ECHDC1: variants seen among roughly 807,000 people sequenced by gnomAD.
The protein encoded by ECHDC1 is ethylmalonyl-CoA decarboxylase 1, also known as ethylmalonyl-CoA decarboxylase.
Under a neutral mutation model 29.7 loss-of-function variants are expected in ECHDC1, and 29 were observed. That is an observed-to-expected ratio of 0.98 (90% CI 0.73 to 1.33). The LOEUF is 1.33. Ranked by LOEUF, ECHDC1 falls within the 40% of genes most tolerant of loss-of-function variation. ECHDC1 has a pLI of 0.00. For missense variants in ECHDC1, 328 were observed against 350.0 expected (o/e 0.94, Z 0.50); for synonymous variants, 126 against 123.1 (o/e 1.02, Z -0.15).
chr6:127,331,012 A>T lies in ECHDC1; in HGVS notation c.17T>A (p.Leu6Ter). MAKSL[L>*]KTASLSGRTK... ...CCTTCCAGACAGAGAGGCTGTCTTC[A>T]AAAGACTTTTCGCCATTTCTGGAAA... Residue 6 changes from leucine (L) to a stop codon, truncating the protein, a stop_gained, in exon 2 of 6, where the codon TTG becomes TAG. Coordinates refer to ENST00000454859, the MANE Select transcript of ECHDC1 (RefSeq NM_001002030.2). LOFTEE classifies it high-confidence loss of function. 1 of 1,613,284 alleles carries T rather than the reference A, an allele frequency of 6.2e-7. No individual in the cohort carries two copies.
intron 3 of ECHDC1, among the ~76,000 whole-genome samples, chr6:127,316,934 A>G (rs2114625965): frequency 6.6e-6 from 1 of 152,242 alleles, no homozygotes; most frequent in East Asian, 1.9e-4. Flanking sequence ...TATTGCCACA[A>G]CTTATAATTT....
intron 3 of ECHDC1, among the ~76,000 whole-genome samples, chr6:127,317,401 C>A (rs1377575941): frequency 6.6e-6 from 1 of 152,062 alleles, no homozygotes; most frequent in Admixed American, 6.6e-5. Context: ...TTTTCACATT[C>A]TGATAGCACC....
chr6:127,312,627 T>C (rs910501245), intron 5 of ECHDC1, among the ~76,000 whole-genome samples: 5 of 152,330 alleles, frequency 3.3e-5, no homozygotes, highest in Non-Finnish European at 5.9e-5. Context: ...CAAATACTTA[T>C]ACATGAATGT....
intron 1 of ECHDC1, among the ~76,000 whole-genome samples, chr6:127,342,064 G>A (rs961415142): frequency 2.0e-5 from 3 of 152,154 alleles, no homozygotes; most frequent in Admixed American, 1.3e-4. Flanking sequence ...TCGCATATGC[G>A]ATCTACCTGT....
chr6:127,329,754 A>G (rs1783743465), intron 2 of ECHDC1: 1 of 326,010 alleles, frequency 3.1e-6, no homozygotes, highest in Non-Finnish European at 6.1e-6. Context: ...GTTAAACTTA[A>G]TTTTACCTTT....
intron 5 of ECHDC1, among the ~76,000 whole-genome samples, chr6:127,296,607 AG>A (rs1217467967): frequency 1.3e-5 from 2 of 152,238 alleles, no homozygotes; most frequent in Non-Finnish European, 2.9e-5. Context: ...AAAAAATTGA[AG>A]GAAAAAAACA....
intron 3 of ECHDC1, among the ~76,000 whole-genome samples, chr6:127,320,911 T>G (rs1192693572): frequency 6.6e-6 from 1 of 151,906 alleles, no homozygotes; most frequent in African/African-American, 2.4e-5. Context: ...AAAAAAAAAG[T>G]GGAATAATAG....
At chr6:127,312,312 A>T (rs1229149653) in intron 5 of ECHDC1, among the ~76,000 whole-genome samples, 1 of 152,184 alleles carries the variant, frequency 6.6e-6, no homozygotes, top group Admixed American at 6.5e-5. Flanking sequence ...TATGGCCAAT[A>T]AACACAAGGT....
intron 5 of ECHDC1, among the ~76,000 whole-genome samples, chr6:127,311,695 A>AAAG (rs1781935425): frequency 2.2e-5 from 2 of 90,060 alleles, no homozygotes; most frequent in South Asian, 3.3e-4. Context: ...AAAAAAAAAA[A>AAAG]AAAGAAAAGA....
At chr6:127,318,001 G>A (rs1347137955) in intron 3 of ECHDC1, 1 of 152,112 alleles carries the variant, frequency 6.6e-6, no homozygotes, top group African/African-American at 2.4e-5. Context: ...ACTGATTTCT[G>A]TATTTAATTT....
At chr6:127,322,646 G>GTATATATATATATATATATATATA (rs60212728) in intron 3 of ECHDC1, among the ~76,000 whole-genome samples, 1 of 149,232 alleles carries the variant, frequency 6.7e-6, no homozygotes, top group African/African-American at 2.5e-5. Flanking sequence ...ATATATGTGT[G>GTATATATATATATATATATATATA]TATATATATA....
chr6:127,313,500 G>C lies in ECHDC1; in HGVS notation c.497+1316C>G, dbSNP rs1304082005. The C allele has an allele frequency of 2.0e-5, 9 of 441,194 alleles. No homozygotes were observed. The East Asian group carries it at 3.5e-4, about 17-fold the overall frequency. 27.3% of individuals were successfully genotyped at this position (441,194 alleles called of 1,614,324 possible). On this transcript the variant is annotated intron_variant, in intron 5 of 5. Coordinates refer to ENST00000454859, the MANE Select transcript of ECHDC1 (RefSeq NM_001002030.2). ...TAACAGGCATGAGCCACCACGCCAGGCTTAAAAGTTTTTAAATGTACAACA... is the reference window on the plus strand; with the variant it reads ...TAACAGGCATGAGCCACCACGCCAGCCTTAAAAGTTTTTAAATGTACAACA...
At position 127,330,918 on chromosome 6, in the gene ECHDC1, C is replaced by A. The variant is rs77032331; in HGVS notation, c.111G>T (p.Val37=). The A allele has an allele frequency of 1.5e-4, 247 of 1,614,092 alleles. 2 individuals carry two copies. In the East Asian group the frequency reaches 5.4e-3, roughly 35 times the overall value. ...CAGGAAACTGCTGAAGTGTTTTTTTCACTTCTTCCTCATAAAATCCATGGG... is the reference window on the plus strand; with the variant it reads ...CAGGAAACTGCTGAAGTGTTTTTTTAACTTCTTCCTCATAAAATCCATGGG... ...STSHGFYEEE[V]KKTLQQFPGG... The change falls in exon 2 of 6, where the codon GTG becomes GTT. Residue 37 remains valine (V), a synonymous_variant. Coordinates refer to ENST00000454859, the MANE Select transcript of ECHDC1 (RefSeq NM_001002030.2).
chr6:127,300,054 C>G (rs1780937232), intron 5 of ECHDC1, among the ~76,000 whole-genome samples: 1 of 152,122 alleles, frequency 6.6e-6, no homozygotes, highest in Non-Finnish European at 1.5e-5. Flanking sequence ...TAGCTACATA[C>G]TATGATGTCT....
chr6:127,310,147 AGAAT>A (rs1444877071), intron 5 of ECHDC1, among the ~76,000 whole-genome samples: 1 of 152,206 alleles, frequency 6.6e-6, no homozygotes, highest in Non-Finnish European at 1.5e-5. Context: ...AAAAATAGAA[AGAAT>A]GAATAAGGTC....
At chr6:127,302,431 C>T (rs1179251725) in intron 5 of ECHDC1, among the ~76,000 whole-genome samples, 2 of 151,874 alleles carry the variant, frequency 1.3e-5, no homozygotes, top group Non-Finnish European at 2.9e-5. Flanking sequence ...CAGAGTCTCG[C>T]TCTTGTTGCC....
At chr6:127,296,905 T>G (rs1780646912) in intron 5 of ECHDC1, among the ~76,000 whole-genome samples, 1 of 151,912 alleles carries the variant, frequency 6.6e-6, no homozygotes, top group South Asian at 2.1e-4. Flanking sequence ...CTCCGGAGGC[T>G]GAGGTGGGAG....
intron 5 of ECHDC1, among the ~76,000 whole-genome samples, chr6:127,309,579 G>A (rs1781730180): frequency 6.7e-6 from 1 of 150,340 alleles, no homozygotes; most frequent in Non-Finnish European, 1.5e-5. Flanking sequence ...CTCAAACTCT[G>A]GAACCACTAC....
chr6:127,332,940 A>G (rs1030174203), intron 1 of ECHDC1, among the ~76,000 whole-genome samples: 9 of 152,144 alleles, frequency 5.9e-5, no homozygotes, highest in African/African-American at 2.2e-4. Context: ...CTATAGGTAT[A>G]TGCCAACATG....
Sources: allele counts gnomAD v4.1 joint callset (sites outside exome capture counted in the v4.1 genomes callset), GRCh38; gene constraint gnomAD v4.1.1; transcripts MANE v1.5; gene names NCBI Gene and HGNC (gene_info 2026-07-23, HGNC 2026-07-21).